The following STAMBP variants were observed in gnomAD, a reference collection of about 807,000 sequenced individuals.
STAMBP encodes STAM binding protein.
A neutral mutation model predicts 50.7 loss-of-function variants in STAMBP; 31 were observed. The observed-to-expected ratio is 0.61, with a 90% CI of 0.46 to 0.83. The LOEUF is 0.83. STAMBP is among the 40% of genes least tolerant of loss of function. STAMBP has a pLI of 0.00. For synonymous variants in STAMBP, 211 were observed against 192.4 expected (o/e 1.10, Z -0.80); for missense variants, 472 against 518.9 (o/e 0.91, Z 0.88).
In STAMBP at chr2:73,850,487, G is replaced by A. The variant is rs1676678399; in HGVS notation, c.979G>A (p.Gly327Ser). 3.1e-6 allele frequency: 5 copies of A among 1,613,274 alleles called. No homozygotes were observed. Among genetic ancestry groups the A allele is most frequent in the Non-Finnish European group, 3.4e-6 (4 of 1,179,736 alleles). The change falls in exon 7 of 10, where the codon GGC becomes AGC. Residue 327 changes from glycine to serine, a missense_variant. Physicochemically the swap from Gly to Ser is moderately conservative, Grantham distance 56. Coordinates refer to ENST00000394070, the MANE Select transcript of STAMBP (RefSeq NM_213622.4). This position sits in a 1 kb window ranked among gnomAD's most constrained non-coding sequence, Gnocchi z 4.3. ...EELFLIQDQQ[G>S]LITLGWIHTH... ...ACTTTTCCTCATACAGGATCAGCAG[G>A]GCCTCATCACACTGGGCTGGATTCA... is the stretch of plus-strand genomic sequence containing the variant.
intron 7 of STAMBP, among the ~76,000 whole-genome samples, chr2:73,852,925 T>C (rs1330742296): frequency 2.5e-5 from 3 of 119,874 alleles, no homozygotes; most frequent in African/African-American, 1.6e-4. Flanking sequence ...CAGGTGTGTG[T>C]GTGTGTGTGT....
Position 73,860,156 on chromosome 2 carries a change from G to T in STAMBP, c.1218+5G>T. On this transcript the variant is annotated splice_donor_5th_base_variant and intron_variant, in intron 9 of 9. Transcript: ENST00000394070. Reference sequence around the variant, plus strand: ...AAGGATCCACCTCTGTTCTGTGTACGTATCTATGTAAAAGAAAATGGGGCT... The same window carrying T: ...AAGGATCCACCTCTGTTCTGTGTACTTATCTATGTAAAAGAAAATGGGGCT... 6.2e-7 allele frequency: 1 copy of T among 1,610,876 alleles called. No individual in the cohort carries two copies. The highest frequency in any genetic ancestry group is 8.5e-7 in the Non-Finnish European group (1 of 1,177,904).
intron 7 of STAMBP, chr2:73,855,701 C>CTA (rs1677465704): frequency 4.4e-6 from 2 of 456,126 alleles, no homozygotes; most frequent in Middle Eastern, 6.5e-4. Context: ...ACTGAGCTAA[C>CTA]ACGTTCCTGT....
chr2:73,847,974 T>C (rs966223286), intron 5 of STAMBP, among the ~76,000 whole-genome samples: 1 of 152,186 alleles, frequency 6.6e-6, no homozygotes, highest in Non-Finnish European at 1.5e-5. Context: ...AGAGCTAATA[T>C]TATTCTTGAA....
At chr2:73,870,718 C>T (rs72814154), downstream of STAMBP, among the ~76,000 whole-genome samples, 13,530 of 152,164 alleles carry the variant, frequency 0.089, 1,032 homozygotes, top group East Asian at 0.3. Context: ...CAGCAGCCTC[C>T]TCTCTTCACC....
At chr2:73,849,212 T>C (rs1288818371) in intron 5 of STAMBP, 151 bp from the exon 6 acceptor site, 7 of 1,082,704 alleles carry the variant, frequency 6.5e-6, no homozygotes, top group Non-Finnish European at 1.3e-6. Context: ...AGCCCTTTTT[T>C]TGGTGCCATT....
intron 6 of STAMBP, 150 bp downstream of exon 6, chr2:73,849,637 T>C: frequency 9.3e-7 from 1 of 1,080,264 alleles, no homozygotes. Flanking sequence ...CACTTTGAAT[T>C]TGGTGACCCT....
rs1200464828 is a variant in STAMBP, at chr2:73,865,604, A to C, written c.*3345A>C. Reference sequence around the variant, plus strand: ...CTATACATTCACCAGCAAATCACTTAACTTCCTAAATTTCTTTAAAATCTG... The same window carrying C: ...CTATACATTCACCAGCAAATCACTTCACTTCCTAAATTTCTTTAAAATCTG... On this transcript the variant is annotated 3_prime_UTR_variant, in exon 10 of 10. Coordinates refer to ENST00000394070, the MANE Select transcript of STAMBP (RefSeq NM_213622.4). 1.3e-5 allele frequency: 2 copies of C among 152,220 alleles called. No individual in the cohort carries two copies. Among genetic ancestry groups the C allele is most frequent in the African/African-American group, 4.8e-5 (2 of 41,460 alleles). 9.4% of individuals were successfully genotyped at this position (152,220 alleles called of 1,614,324 possible). A position where few individuals can be genotyped will look rare whatever the true frequency, so the allele number is the denominator to read the frequency against.
At chr2:73,871,419 G>A (rs907972015), downstream of STAMBP, among the ~76,000 whole-genome samples, 12 of 151,842 alleles carry the variant, frequency 7.9e-5, no homozygotes, top group African/African-American at 2.9e-4. Flanking sequence ...GTGGTGGTGG[G>A]TGCCTGCAAT....
chr2:73,852,798 G>A (rs1288182761), intron 7 of STAMBP, among the ~76,000 whole-genome samples: 1 of 150,998 alleles, frequency 6.6e-6, no homozygotes, highest in East Asian at 1.9e-4. Context: ...CTGCCTCAGT[G>A]TCCTGAGTAG....
intron 2 of STAMBP, among the ~76,000 whole-genome samples, chr2:73,832,108 T>TATATATACACAC (rs1006072205): frequency 8.4e-4 from 103 of 122,894 alleles, no homozygotes; most frequent in African/African-American, 8.4e-4. Context: ...TATATATATA[T>TATATATACACAC]ACACATATAT....
At chr2:73,845,304 T>G (rs1460108702) in intron 4 of STAMBP, 42 bp downstream of exon 4, 1 of 1,360,328 alleles carries the variant, frequency 7.4e-7, no homozygotes, top group Non-Finnish European at 1.0e-6. Context: ...TTTGCTTTTT[T>G]AGGCTGTGCC....
chr2:73,841,822 C>G (rs1185254796), intron 2 of STAMBP, among the ~76,000 whole-genome samples: 1 of 152,166 alleles, frequency 6.6e-6, no homozygotes, highest in Admixed American at 6.5e-5. Flanking sequence ...TCTTTTACCT[C>G]CAGTATGAGT....
intron 1 of STAMBP, among the ~76,000 whole-genome samples, chr2:73,830,603 C>A (rs1241414403): frequency 2.6e-5 from 4 of 152,246 alleles, no homozygotes; most frequent in African/African-American, 9.6e-5. Flanking sequence ...ACTCCTTATA[C>A]CACCTAATTA....
chr2:73,833,808 T>TA (rs1411260666), intron 2 of STAMBP, among the ~76,000 whole-genome samples: 1 of 152,120 alleles, frequency 6.6e-6, no homozygotes, highest in African/African-American at 2.4e-5. Flanking sequence ...CCCCTGTCCT[T>TA]ATTGGTGTTC....
At chr2:73,861,180 C>G (rs1234038386) in intron 9 of STAMBP, among the ~76,000 whole-genome samples, 1 of 152,206 alleles carries the variant, frequency 6.6e-6, no homozygotes, top group East Asian at 1.9e-4. Context: ...GCATTCTTCT[C>G]TCACCATGTG....
In STAMBP at chr2:73,850,296, C is replaced by T; in HGVS notation, c.868-80C>T. On this transcript the variant is annotated intron_variant, in intron 6 of 9. Coordinates refer to ENST00000394070, the MANE Select transcript of STAMBP (RefSeq NM_213622.4). The surrounding 1 kb of genome is among the most constrained non-coding windows in gnomAD (Gnocchi z 4.3). ...GGGCTTTCACTTGTATAGATGCTTACCTTTCCACTGTCGGGATGGAGTGGA... is the reference window on the plus strand; with the variant it reads ...GGGCTTTCACTTGTATAGATGCTTATCTTTCCACTGTCGGGATGGAGTGGA... The T allele has an allele frequency of 2.0e-6, 3 of 1,522,470 alleles. No individual in the cohort carries two copies. Among genetic ancestry groups the T allele is most frequent in the South Asian group, 2.6e-5 (2 of 76,112 alleles). 94.3% of individuals were successfully genotyped at this position (1,522,470 alleles called of 1,614,324 possible). A position where few individuals can be genotyped will look rare whatever the true frequency, so the allele number is the denominator to read the frequency against.
chr2:73,831,104 C>T (rs752362830), intron 2 of STAMBP, 45 bp downstream of exon 2: 1 of 1,534,182 alleles, frequency 6.5e-7, no homozygotes, highest in African/African-American at 1.4e-5. Context: ...TGACTGGTGC[C>T]TCGCCTATTT....
intron 6 of STAMBP, among the ~76,000 whole-genome samples, chr2:73,849,896 T>A (rs1439967787): frequency 6.6e-6 from 1 of 152,126 alleles, no homozygotes; most frequent in Non-Finnish European, 1.5e-5. Flanking sequence ...ATGTACAGTA[T>A]AAGTATTGGG....
Sources: allele counts gnomAD v4.1 joint callset (sites outside exome capture counted in the v4.1 genomes callset), GRCh38; gene constraint gnomAD v4.1.1; non-coding constraint Gnocchi (gnomAD v3.1); transcripts MANE v1.5; gene names NCBI Gene and HGNC (gene_info 2026-07-23, HGNC 2026-07-21).